The following UPF1 variants were observed in gnomAD, a reference collection of about 807,000 sequenced individuals.
UPF1 encodes UPF1 RNA helicase and ATPase, also known as regulator of nonsense transcripts 1.
A neutral mutation model predicts 129.2 loss-of-function variants in UPF1; 9 were observed. The observed-to-expected ratio is 0.07, with a 90% confidence interval of 0.04 to 0.12. The LOEUF (loss-of-function observed/expected upper bound fraction) is 0.12, where lower values mean the gene tolerates loss of function less well. UPF1 is among the 10% of genes least tolerant of loss of function. The probability of loss-of-function intolerance (pLI) is 1.00; values close to 1 mark genes in which losing one functional copy is unlikely to be tolerated. For synonymous variants in UPF1, 649 were observed against 644.9 expected (o/e 1.01, Z -0.10); for missense variants, 788 against 1,525.3 (o/e 0.52, Z 8.05).
chr19:18,855,883 C>G (rs1336206724), intron 11 of UPF1, 42 bp from the exon 12 acceptor site: 36 of 1,602,222 alleles, frequency 2.2e-5, no homozygotes, highest in Non-Finnish European at 3.0e-5. Context: ...GTTCACCGAG[C>G]TTCCTCTGGG....
rs2145979820 is a variant in UPF1, at chr19:18,867,417, G to A, written c.*900G>A. The A allele has an allele frequency of 1.3e-5, 2 of 152,430 alleles. No homozygotes were observed. Among genetic ancestry groups the A allele is most frequent in the Middle Eastern group, 3.4e-3 (1 of 294 alleles). 9.4% of individuals were successfully genotyped at this position (152,430 alleles called of 1,614,324 possible). A position where few individuals can be genotyped will look rare whatever the true frequency, so the allele number is the denominator to read the frequency against. On this transcript the variant is annotated 3_prime_UTR_variant, in exon 24 of 24. Transcript: ENST00000262803. ...AGGAAGGTGCTTTTGGCCCCATTGC[G>A]AGGGGCCTTGGCCAGGACTGGCCCT...
At chr19:18,852,964 G>C in intron 6 of UPF1, 23 bp from the exon 7 acceptor site, 1 of 1,602,934 alleles carries the variant, frequency 6.2e-7, no homozygotes, top group Non-Finnish European at 8.5e-7. Flanking sequence ...GCTAACCGGG[G>C]CTCTTGTTTT....
At chr19:18,862,257 C>T (rs1350976375) in intron 18 of UPF1, 105 bp downstream of exon 18, 2 of 1,499,878 alleles carry the variant, frequency 1.3e-6, no homozygotes, top group Non-Finnish European at 1.8e-6. Flanking sequence ...GGTCAGAGGA[C>T]TCTGAGCAGC....
rs770378067 is a variant in UPF1 at position 18,853,126 on chromosome 19, T to C, written c.1057+55T>C. The C allele has an allele frequency of 7.5e-6, 12 of 1,608,870 alleles. No individual in the cohort carries two copies. Among genetic ancestry groups the C allele is most frequent in the Admixed American group, 1.7e-5 (1 of 59,754 alleles). On this transcript the variant is annotated intron_variant, in intron 7 of 23. Coordinates refer to ENST00000262803, the MANE Select transcript of UPF1 (RefSeq NM_002911.4). This position sits in a 1 kb window ranked among gnomAD's most constrained non-coding sequence, Gnocchi z 4.4. ...AGAGGTGATTTTAAGTTTTAAAATA[T>C]TTGTGACCATAAGTAGCATAAATTC...
intron 8 of UPF1, 60 bp from the exon 9 acceptor site, chr19:18,854,541 G>C (rs2055694425): frequency 2.2e-6 from 3 of 1,365,246 alleles, no homozygotes; most frequent in African/African-American, 1.4e-5. Flanking sequence ...GTGTACCAAG[G>C]GTGGCCCAGA....
intron 2 of UPF1, 33 bp from the exon 3 acceptor site, chr19:18,847,711 C>G (rs1259750614): frequency 1.2e-6 from 2 of 1,601,878 alleles, no homozygotes; most frequent in African/African-American, 2.7e-5. Context: ...GAGCAAGCTT[C>G]CAGCTGTAAC....
Position 18,860,943 on chromosome 19 carries a change from C to T in UPF1, c.2418C>T (p.Tyr806=). 2 of 1,590,834 alleles carry T rather than the reference C, an allele frequency of 1.3e-6. No individual in the cohort carries two copies. Among genetic ancestry groups the T allele is most frequent in the Non-Finnish European group, 8.6e-7 (1 of 1,169,232 alleles). ...GCCAGCGCTCCTACCTGGTGCAGTA[C>T]ATGCAGTTCAGCGGCTCCCTGCACA... is the stretch of plus-strand genomic sequence containing the variant. ...YEGQRSYLVQ[Y]MQFSGSLHTK... Residue 806 remains tyrosine, a synonymous_variant, in exon 17 of 24, where the codon TAC becomes TAT. Transcript: ENST00000262803.
At chr19:18,862,287 A>G (rs2055788978) in intron 18 of UPF1, 135 bp downstream of exon 18, 2 of 1,366,332 alleles carry the variant, frequency 1.5e-6, no homozygotes, top group Non-Finnish European at 2.0e-6. Flanking sequence ...ACGATGTCTC[A>G]CTGGAGAGAT....
chr19:18,863,366 C>T, intron 18 of UPF1, 72 bp from the exon 19 acceptor site: 1 of 1,562,164 alleles, frequency 6.4e-7, no homozygotes, highest in Non-Finnish European at 8.7e-7. Flanking sequence ...TGAATGCAGC[C>T]TTGCCTCTTG....
At chr19:18,864,656 C>T (rs759542543) in intron 20 of UPF1, among the ~76,000 whole-genome samples, 1 of 150,232 alleles carries the variant, frequency 6.7e-6, no homozygotes, top group South Asian at 2.1e-4. Flanking sequence ...ACTCCTGCCT[C>T]AAGCAGTCCT....
chr19:18,843,260 A>G (rs187830215), intron 1 of UPF1, among the ~76,000 whole-genome samples: 1 of 152,152 alleles, frequency 6.6e-6, no homozygotes, highest in East Asian at 1.9e-4. Context: ...GGCTCATGGC[A>G]GGGAGCAGGA....
At chr19:18,834,505 A>C (rs2055462791) in intron 1 of UPF1, among the ~76,000 whole-genome samples, 1 of 152,142 alleles carries the variant, frequency 6.6e-6, no homozygotes, top group Admixed American at 6.6e-5. Flanking sequence ...AGAGCATTAA[A>C]ACGCTCCCCT....
chr19:18,853,328 C>T lies in UPF1; in HGVS notation c.1134C>T (p.Gly378=). Residue 378 remains glycine, a synonymous_variant, in exon 8 of 24, where the codon GGC becomes GGT. Coordinates refer to ENST00000262803, the MANE Select transcript of UPF1 (RefSeq NM_002911.4). This position sits in a 1 kb window ranked among gnomAD's most constrained non-coding sequence, Gnocchi z 4.4. ...GDLAPLWKGI[G]HVIKVPDNYG... is the part of the protein sequence containing the mutation. ...TTGCGCCCCTGTGGAAAGGGATCGG[C>T]CACGTCATCAAGGTCCCTGATAGTA... The T allele has an allele frequency of 6.2e-7, 1 of 1,612,212 alleles. No individual in the cohort carries two copies. Among genetic ancestry groups the T allele is most frequent in the South Asian group, 1.1e-5 (1 of 90,882 alleles).
Position 18,865,334 on chromosome 19 carries a change from T to C in UPF1, c.2903T>C (p.Met968Thr), listed in dbSNP as rs2055830411. The change falls in exon 21 of 24, where the codon ATG (methionine) becomes ACG (threonine). Residue 968 changes from methionine (M) to threonine (T), a missense_variant. Met to Thr is a moderately conservative substitution (Grantham distance 81). Coordinates refer to ENST00000262803, the MANE Select transcript of UPF1 (RefSeq NM_002911.4). The surrounding 1 kb of genome is among the most constrained non-coding windows in gnomAD (Gnocchi z 6.1). Reference protein sequence around the residue: ...MYFQTHDQIGMISAGPSHVAA... With the variant: ...MYFQTHDQIGTISAGPSHVAA... ...TTCCAGACCCATGACCAGATTGGCA[T>C]GATCAGTGCCGGCCCTAGCCACGTG... The C allele has an allele frequency of 6.2e-7, 1 of 1,613,586 alleles. No individual in the cohort carries two copies. Among genetic ancestry groups the C allele is most frequent in the Non-Finnish European group, 8.5e-7 (1 of 1,179,766 alleles).
At position 18,855,133 on chromosome 19, in the gene UPF1, G is replaced by A. The variant is rs1309527755; in HGVS notation, c.1435G>A (p.Val479Met). The change falls in exon 11 of 24, where the codon GTG (valine) becomes ATG (methionine). Residue 479 changes from valine to methionine, a missense_variant. Physicochemically the swap from Val to Met is conservative, Grantham distance 21 (BLOSUM62 1). Coordinates refer to ENST00000262803, the MANE Select transcript of UPF1 (RefSeq NM_002911.4). ...PDLNHSQVYA[V>M]KTVLQRPLSL... ...GCCGCTTGTATTGAAGGTTTATGCC[G>A]TGAAGACTGTGCTGCAAAGACCACT... 3 of 1,613,960 alleles carry A rather than the reference G, an allele frequency of 1.9e-6. No individual in the cohort carries two copies. Among genetic ancestry groups the A allele is most frequent in the South Asian group, 2.2e-5 (2 of 91,090 alleles).
chr19:18,837,257 T>G (rs1290793176), intron 1 of UPF1, among the ~76,000 whole-genome samples: 6 of 152,054 alleles, frequency 3.9e-5, no homozygotes, highest in Non-Finnish European at 7.4e-5. Flanking sequence ...GTCTGGCTGA[T>G]TTTTCTTTTT....
In UPF1 at chr19:18,865,171, C is replaced by G; in HGVS notation, c.2858-118C>G. On this transcript the variant is annotated intron_variant, in intron 20 of 23. Transcript: ENST00000262803. The surrounding 1 kb of genome is among the most constrained non-coding windows in gnomAD (Gnocchi z 6.1). Reference sequence around the variant, plus strand: ...GAGTCCTGCGAATCCGCATCTTCAGCCTGGGCAGAGCCAGGACAGATGTGC... The same window carrying G: ...GAGTCCTGCGAATCCGCATCTTCAGGCTGGGCAGAGCCAGGACAGATGTGC... The G allele has an allele frequency of 7.7e-7, 1 of 1,304,040 alleles. No homozygotes were observed. The highest frequency in any genetic ancestry group is 1.0e-6 in the Non-Finnish European group (1 of 961,092). 80.8% of individuals were successfully genotyped at this position (1,304,040 alleles called of 1,614,324 possible).
intron 1 of UPF1, among the ~76,000 whole-genome samples, chr19:18,845,282 A>G (rs904669898): frequency 1.3e-5 from 2 of 152,306 alleles, no homozygotes; most frequent in East Asian, 3.9e-4. Context: ...ACTGTTGGCC[A>G]TGTCATTTGA....
chr19:18,850,917 G>A lies in UPF1; in HGVS notation c.810+49G>A. On this transcript the variant is annotated intron_variant, in intron 5 of 23. Coordinates refer to ENST00000262803, the MANE Select transcript of UPF1 (RefSeq NM_002911.4). This position sits in a 1 kb window ranked among gnomAD's most constrained non-coding sequence, Gnocchi z 7.1. ...CCGTGCCTTCGTGTGGTTTCTGGTT[G>A]CGGGGAGGGGAGTGTCTTCAGAGAC... 6 of 1,478,080 alleles carry A rather than the reference G, an allele frequency of 4.1e-6. No homozygotes were observed. In the South Asian group the frequency reaches 4.1e-5, roughly 10 times the overall value. The allele number at this position is 1,478,080 out of a possible 1,614,324, so 91.6% of individuals were successfully genotyped here. A position where few individuals can be genotyped will look rare whatever the true frequency, so the allele number is the denominator to read the frequency against.
Sources: gnomAD v4.1 joint callset for allele counts (sites outside exome capture counted in the v4.1 genomes callset) on GRCh38, gnomAD v4.1.1 for gene constraint, Gnocchi (gnomAD v3.1) non-coding constraint, MANE v1.5 for transcripts, NCBI Gene and HGNC (gene_info 2026-07-23, HGNC 2026-07-21) for gene names.